Variants in HDAC2 observed in about 807,000 individuals in gnomAD.
HDAC2 encodes histone deacetylase 2.
In HDAC2, 5 loss-of-function variants were observed where a neutral mutation model predicts 68.5. The ratio of observed to expected loss-of-function variants is 0.07; its 90% CI spans 0.04 to 0.15. HDAC2 has a LOEUF of 0.15. HDAC2 is among the 10% of genes least tolerant of loss of function. HDAC2 has a pLI of 1.00. For missense variants in HDAC2, 291 were observed against 600.8 expected, an observed-to-expected ratio of 0.48 and a Z score of 5.39; for synonymous variants, 182 against 191.3, an observed-to-expected ratio of 0.95 and a Z score of 0.40.
chr6:113,970,676 G>C, intron 1 of HDAC2, 181 bp downstream of exon 1: 1 of 1,353,970 alleles, frequency 7.4e-7, no homozygotes, highest in Non-Finnish European at 9.4e-7. Context: ...GGAACCGCGG[G>C]GGCTGCGCCA....
intron 6 of HDAC2, among the ~76,000 whole-genome samples, chr6:113,950,707 G>C (rs989112829): frequency 8.3e-6 from 1 of 121,066 alleles, no homozygotes; most frequent in Non-Finnish European, 1.7e-5. Context: ...GGGTGGGGGG[G>C]GGGTGCCTAA....
chr6:113,969,185 C>T (rs1776912258), intron 1 of HDAC2, among the ~76,000 whole-genome samples: 1 of 152,196 alleles, frequency 6.6e-6, no homozygotes, highest in South Asian at 2.1e-4. Context: ...TCCACCCCTC[C>T]ACGATGGCAT....
rs1465373747 is a variant in HDAC2 at position 113,935,330 on chromosome 6, T to C, written c.*5728A>G. On this transcript the variant is annotated 3_prime_UTR_variant, in exon 14 of 14. Transcript: ENST00000519065. The stretch of plus-strand genomic sequence containing the variant: ...CAGAAGTGTAATGACTTTTTGTTGG[T>C]ATTTGTTAAGTACAGCCAGTTTTGA... 6.6e-6 allele frequency: 1 copy of C among 152,258 alleles called. No individual in the cohort carries two copies. Among genetic ancestry groups the C allele is most frequent in the African/African-American group, 2.4e-5 (1 of 41,470 alleles). The allele number at this position is 152,258 out of a possible 1,614,324, so 9.4% of individuals were successfully genotyped here. A position where few individuals can be genotyped will look rare whatever the true frequency, so the allele number is the denominator to read the frequency against.
intron 10 of HDAC2, among the ~76,000 whole-genome samples, chr6:113,944,890 C>G (rs1185109326): frequency 1.3e-5 from 2 of 152,142 alleles, no homozygotes; most frequent in Non-Finnish European, 2.9e-5. Context: ...GTTTGTGGTA[C>G]AGAGGTGACT....
At chr6:113,967,725 C>T (rs1377664344) in intron 1 of HDAC2, among the ~76,000 whole-genome samples, 1 of 152,190 alleles carries the variant, frequency 6.6e-6, no homozygotes, top group African/African-American at 2.4e-5. Context: ...CCTAACACAG[C>T]TTAGCTGCTA....
At chr6:113,959,879 T>C (rs1012011427) in intron 2 of HDAC2, 27 bp downstream of exon 2, 1 of 945,900 alleles carries the variant, frequency 1.1e-6, no homozygotes, top group African/African-American at 1.6e-5. Flanking sequence ...AGATCAGTGC[T>C]GAATATGTAT....
intron 11 of HDAC2, 27 bp from the exon 12 acceptor site, chr6:113,943,533 G>C (rs958726337): frequency 6.4e-7 from 1 of 1,557,218 alleles, no homozygotes; most frequent in African/African-American, 1.4e-5. Context: ...AATAAATTTT[G>C]ACAAAAACAG....
intron 3 of HDAC2, chr6:113,956,897 C>A: frequency 2.0e-6 from 1 of 497,024 alleles, no homozygotes; most frequent in South Asian, 2.9e-5. Flanking sequence ...GAAAGATCAT[C>A]AAATCTTATC....
At position 113,938,250 on chromosome 6, in the gene HDAC2, A is replaced by G. The variant is rs1272591301; in HGVS notation, c.*2808T>C. The G allele has an allele frequency of 6.6e-6, 1 of 152,250 alleles. No individual in the cohort carries two copies. The highest frequency in any genetic ancestry group is 6.5e-5 in the Admixed American group (1 of 15,288). 9.4% of individuals were successfully genotyped at this position (152,250 alleles called of 1,614,324 possible). A position where few individuals can be genotyped will look rare whatever the true frequency, so the allele number is the denominator to read the frequency against. ...TGAGGTTAAAGATCTTTTCATATTTACAAACTATTTATATGTATTTGTTTC... is the reference window on the plus strand; with the variant it reads ...TGAGGTTAAAGATCTTTTCATATTTGCAAACTATTTATATGTATTTGTTTC... On this transcript the variant is annotated 3_prime_UTR_variant, in exon 14 of 14. Transcript: ENST00000519065.
rs1019580704 is a variant in HDAC2, at chr6:113,957,029, A to G, written c.284-336T>C. ...CTAGGCCTTTCCCCTTAATATTACA[A>G]TAAGTTAACATTCTAAAAGCAACTT... On this transcript the variant is annotated intron_variant, in intron 3 of 13. Transcript: ENST00000519065. 6 of 182,312 alleles carry G rather than the reference A, an allele frequency of 3.3e-5. No individual in the cohort carries two copies. In the South Asian group the frequency reaches 4.6e-4, roughly 14 times the overall value. 11.3% of individuals were successfully genotyped at this position (182,312 alleles called of 1,614,324 possible).
At chr6:113,957,583 G>A (rs1041170807) in intron 3 of HDAC2, among the ~76,000 whole-genome samples, 3 of 151,844 alleles carry the variant, frequency 2.0e-5, no homozygotes, top group Admixed American at 6.6e-5. Flanking sequence ...TGGGGCTCAA[G>A]CAAGCAATTC....
chr6:113,957,484 TC>T (rs1030437755), intron 3 of HDAC2, among the ~76,000 whole-genome samples: 3 of 145,800 alleles, frequency 2.1e-5, no homozygotes, highest in African/African-American at 7.5e-5. Context: ...GAGATCATAA[TC>T]TTTTTTTTTT....
chr6:113,965,721 G>C (rs1361087936), intron 1 of HDAC2, among the ~76,000 whole-genome samples: 1 of 152,118 alleles, frequency 6.6e-6, no homozygotes, highest in African/African-American at 2.4e-5. Flanking sequence ...TAGGACTTGA[G>C]CAATCTTTTG....
chr6:113,957,737 C>A (rs1776591114), intron 3 of HDAC2, among the ~76,000 whole-genome samples: 1 of 152,006 alleles, frequency 6.6e-6, no homozygotes, highest in African/African-American at 2.4e-5. Flanking sequence ...ATCCACTCAC[C>A]TCCGCCTCCC....
intron 8 of HDAC2, 90 bp downstream of exon 8, chr6:113,948,889 C>T: frequency 6.9e-7 from 1 of 1,451,644 alleles, no homozygotes. Context: ...AAACAGCAGG[C>T]AAGAAACTAC....
At position 113,939,000 on chromosome 6, in the gene HDAC2, T is replaced by C. The variant is rs1056172522; in HGVS notation, c.*2058A>G. ...AGTATGTTCACACAATGGAACATAA[T>C]ACATAGCAGTCAAAATGAACTATAC... On this transcript the variant is annotated 3_prime_UTR_variant, in exon 14 of 14. Transcript: ENST00000519065. 2 of 152,204 alleles carry C rather than the reference T, an allele frequency of 1.3e-5. No homozygotes were observed. Among genetic ancestry groups the C allele is most frequent in the African/African-American group, 2.4e-5 (1 of 41,452 alleles). The allele number at this position is 152,204 out of a possible 1,614,324, so 9.4% of individuals were successfully genotyped here.
chr6:113,950,626 C>T (rs897749351), intron 6 of HDAC2, among the ~76,000 whole-genome samples: 1 of 149,054 alleles, frequency 6.7e-6, no homozygotes, highest in Non-Finnish European at 1.5e-5. Flanking sequence ...GAACTCTCGA[C>T]CTCAGGTAAT....
At chr6:113,969,342 GTTATT>G (rs1163655037) in intron 1 of HDAC2, among the ~76,000 whole-genome samples, 1 of 152,150 alleles carries the variant, frequency 6.6e-6, no homozygotes, top group Non-Finnish European at 1.5e-5. Context: ...GACACAGGTG[GTTATT>G]TTATATGTAT....
At chr6:113,948,660 G>A (rs1336375326) in intron 8 of HDAC2, 1 of 228,736 alleles carries the variant, frequency 4.4e-6, no homozygotes, top group East Asian at 1.0e-4. Context: ...CTTCCTTAAT[G>A]AGAAATAAAT....
Sources: gnomAD v4.1 joint callset for allele counts (sites outside exome capture counted in the v4.1 genomes callset) on GRCh38, gnomAD v4.1.1 for gene constraint, MANE v1.5 for transcripts, NCBI Gene and HGNC (gene_info 2026-07-23, HGNC 2026-07-21) for gene names.